The following SYNJ2 variants were observed in gnomAD, a reference collection of about 807,000 sequenced individuals.
SYNJ2 encodes synaptojanin 2.
Under a neutral mutation model 141.3 loss-of-function variants are expected in SYNJ2, and 116 were observed. The ratio of observed to expected loss-of-function variants is 0.82; its 90% CI spans 0.71 to 0.96. The LOEUF (loss-of-function observed/expected upper bound fraction) is 0.96. Among genes scored for constraint, SYNJ2 ranks in the 40% least tolerant of loss-of-function variants. The probability of loss-of-function intolerance (pLI) is 0.00; values close to 1 mark genes in which losing one functional copy is unlikely to be tolerated. For synonymous variants in SYNJ2, 745 were observed against 777.7 expected (o/e 0.96, Z 0.70); for missense variants, 1,873 against 1,934.8 (o/e 0.97, Z 0.60).
rs181805875 is a variant in SYNJ2, at chr6:158,064,649, G to C, written c.1258G>C (p.Val420Leu). The change falls in exon 10 of 27, where the codon GTT (valine) becomes CTT (leucine). Residue 420 changes from valine (V) to leucine (L), a missense_variant. Transcript: ENST00000355585. ...KTLGLSSKPIVDRFVESFKAM... is the reference protein window; with the variant it reads ...KTLGLSSKPILDRFVESFKAM... ...CCTGGGGCTGAGTTCAAAACCCATC[G>C]TTGACCGCTTTGTGGAGTCCTTCAA... 16 of 1,614,096 alleles carry C rather than the reference G, an allele frequency of 9.9e-6. No homozygotes were observed. In the Admixed American group the frequency reaches 2.7e-4, roughly 27 times the overall value.
intron 4 of SYNJ2, among the ~76,000 whole-genome samples, chr6:158,035,167 C>CT (rs570343593): frequency 1.4e-4 from 22 of 152,256 alleles, no homozygotes; most frequent in African/African-American, 5.3e-4. Context: ...TATTCGGGCT[C>CT]TTTTTTGGTT....
chr6:158,009,368 A>C (rs1257358590), intron 1 of SYNJ2, among the ~76,000 whole-genome samples: 1 of 148,434 alleles, frequency 6.7e-6, no homozygotes, highest in East Asian at 2.0e-4. Flanking sequence ...TCATCCATTC[A>C]TTCCTCCTGT....
intron 5 of SYNJ2, among the ~76,000 whole-genome samples, chr6:158,048,774 A>G (rs1407542983): frequency 1.3e-5 from 2 of 151,926 alleles, no homozygotes; most frequent in Non-Finnish European, 2.9e-5. Flanking sequence ...TGTGGTGTAA[A>G]TTCTCCCATC....
At chr6:158,023,374 AAGG>A (rs1326149557) in intron 2 of SYNJ2, among the ~76,000 whole-genome samples, 1 of 151,938 alleles carries the variant, frequency 6.6e-6, no homozygotes, top group Admixed American at 6.6e-5. Context: ...GCTGGGATTG[AAGG>A]AGGAGGAAGC....
chr6:157,997,027 AC>A (rs1312763731), intron 1 of SYNJ2, among the ~76,000 whole-genome samples: 7 of 116,168 alleles, frequency 6.0e-5, no homozygotes, highest in East Asian at 5.9e-4. Context: ...CACCTACCCC[AC>A]CCCCCCCCAC....
chr6:157,992,752 T>C (rs1012457963), intron 1 of SYNJ2, among the ~76,000 whole-genome samples: 5 of 152,198 alleles, frequency 3.3e-5, no homozygotes, highest in African/African-American at 9.7e-5. Context: ...GTTCCATCCA[T>C]GTTGTTGCAG....
chr6:158,002,621 C>G (rs1220296279), intron 1 of SYNJ2, among the ~76,000 whole-genome samples: 1 of 152,232 alleles, frequency 6.6e-6, no homozygotes. Flanking sequence ...CACTCCAGGA[C>G]TTCCCTGGTG....
chr6:158,085,505 C>T (rs1744172), intron 22 of SYNJ2, among the ~76,000 whole-genome samples: 102,843 of 152,040 alleles, frequency 0.68, 36,281 homozygotes, highest in African/African-American at 0.89. Flanking sequence ...AGCTTAGCCA[C>T]GCATTGGGCC....
chr6:158,083,687 G>A, intron 21 of SYNJ2, 90 bp downstream of exon 21: 2 of 1,541,844 alleles, frequency 1.3e-6, no homozygotes, highest in Non-Finnish European at 1.8e-6. Flanking sequence ...CTCCCTTGCA[G>A]AAGTGACGGA....
Position 158,097,610 on chromosome 6 carries a change from G to A in SYNJ2, c.*1246G>A, listed in dbSNP as rs1783858720. ...GAGGCTCGCACAGCAGTGATCAAGT[G>A]TCATCCCTTACGTGACTGGGGGATG... On this transcript the variant is annotated 3_prime_UTR_variant, in exon 27 of 27. Coordinates refer to ENST00000355585, the MANE Select transcript of SYNJ2 (RefSeq NM_003898.4). 6.6e-6 allele frequency: 1 copy of A among 152,184 alleles called. No individual in the cohort carries two copies. Among genetic ancestry groups the A allele is most frequent in the Admixed American group, 6.5e-5 (1 of 15,282 alleles). The allele number at this position is 152,184 out of a possible 1,614,324, so 9.4% of individuals were successfully genotyped here. A position where few individuals can be genotyped will look rare whatever the true frequency, so the allele number is the denominator to read the frequency against.
intron 23 of SYNJ2, among the ~76,000 whole-genome samples, chr6:158,087,651 T>C (rs1488139534): frequency 6.6e-6 from 1 of 152,216 alleles, no homozygotes; most frequent in Non-Finnish European, 1.5e-5. Context: ...ACTTCAGAAT[T>C]GGGCTCATTG....
intron 1 of SYNJ2, among the ~76,000 whole-genome samples, chr6:157,988,873 T>C (rs1412751389): frequency 1.3e-5 from 2 of 152,074 alleles, no homozygotes; most frequent in Admixed American, 6.6e-5. Context: ...AACCACACAC[T>C]GTGGACAGGA....
Position 158,096,753 on chromosome 6 carries a change from T to C in SYNJ2, c.*389T>C, listed in dbSNP as rs12110741. 7.6e-3 allele frequency: 1,240 copies of C among 162,120 alleles called. 20 individuals are homozygous for C. Among genetic ancestry groups the C allele is most frequent in the African/African-American group, 0.028 (1,180 of 41,694 alleles). The allele number at this position is 162,120 out of a possible 1,614,324, so 10.0% of individuals were successfully genotyped here. Reference sequence around the variant, plus strand: ...TTGTTTTATTTGCATTTTACAGATTTGGTATAACATTTTGGGGAGCCACCT... The same window carrying C: ...TTGTTTTATTTGCATTTTACAGATTCGGTATAACATTTTGGGGAGCCACCT... On this transcript the variant is annotated 3_prime_UTR_variant, in exon 27 of 27. Coordinates refer to ENST00000355585, the MANE Select transcript of SYNJ2 (RefSeq NM_003898.4).
chr6:157,987,173 G>T (rs1181498826), intron 1 of SYNJ2, among the ~76,000 whole-genome samples: 4 of 152,002 alleles, frequency 2.6e-5, no homozygotes, highest in Admixed American at 6.6e-5. Flanking sequence ...TTTTAGTAGA[G>T]ATGGCATTTC....
chr6:158,041,228 A>T (rs1002365831), intron 4 of SYNJ2, among the ~76,000 whole-genome samples: 3 of 151,952 alleles, frequency 2.0e-5, no homozygotes, highest in Non-Finnish European at 4.4e-5. Flanking sequence ...TGGCAGTCGG[A>T]CCCAGCTTGT....
chr6:158,066,533 G>C lies in SYNJ2; in HGVS notation c.1615G>C (p.Val539Leu). 1 of 1,614,192 alleles carries C rather than the reference G, an allele frequency of 6.2e-7. No homozygotes were observed. The highest frequency in any genetic ancestry group is 1.1e-5 in the South Asian group (1 of 91,090). The change falls in exon 12 of 27, where the codon GTG becomes CTG. Residue 539 changes from valine (V) to leucine (L), a missense_variant. Coordinates refer to ENST00000355585, the MANE Select transcript of SYNJ2 (RefSeq NM_003898.4). ...CCGGATTGCTATGGGGACCTGGAAC[G>C]TGAACGGAGGAAAGCAGTTCCGGAG... ...RIRIAMGTWN[V>L]NGGKQFRSNV...
At chr6:158,020,486 C>T (rs1228776257) in intron 2 of SYNJ2, among the ~76,000 whole-genome samples, 2 of 146,966 alleles carry the variant, frequency 1.4e-5, no homozygotes, top group African/African-American at 2.6e-5. Flanking sequence ...GTATGACTGA[C>T]CTCAACTGTG....
At chr6:158,021,122 C>G (rs1378211694) in intron 2 of SYNJ2, among the ~76,000 whole-genome samples, 1 of 152,184 alleles carries the variant, frequency 6.6e-6, no homozygotes, top group Non-Finnish European at 1.5e-5. Context: ...AATTTAAATT[C>G]TCTTGAACCC....
intron 2 of SYNJ2, among the ~76,000 whole-genome samples, chr6:158,017,980 G>C (rs967706500): frequency 1.3e-5 from 2 of 152,232 alleles, no homozygotes; most frequent in Non-Finnish European, 2.9e-5. Flanking sequence ...GTGCCAAGGC[G>C]GGTGGGTGAA....
Sources: allele counts gnomAD v4.1 joint callset (sites outside exome capture counted in the v4.1 genomes callset), GRCh38; gene constraint gnomAD v4.1.1; transcripts MANE v1.5; gene names NCBI Gene and HGNC (gene_info 2026-07-23, HGNC 2026-07-21).